Variants in PLPP4 observed in about 807,000 individuals in gnomAD.
PLPP4 encodes the protein diacylglycerol pyrophosphate like 2.
PLPP4 carries 20 observed loss-of-function variants against 32.2 expected under a neutral mutation model. That is an observed-to-expected ratio of 0.62 (90% CI 0.44 to 0.90). The LOEUF (loss-of-function observed/expected upper bound fraction) is 0.90. Ranked by LOEUF, PLPP4 falls within the 40% of genes least tolerant of loss-of-function variation. PLPP4 has a pLI of 0.00. For synonymous variants in PLPP4, 127 were observed against 133.0 expected (o/e 0.95, Z 0.31); for missense variants, 257 against 353.1 (o/e 0.73, Z 2.18).
intron 5 of PLPP4, among the ~76,000 whole-genome samples, chr10:120,554,627 C>A (rs1004026379): frequency 6.6e-6 from 1 of 151,318 alleles, no homozygotes; most frequent in African/African-American, 2.4e-5. Flanking sequence ...GAAAAGAGAT[C>A]TAATTAGCTC....
At chr10:120,462,582 G>A (rs888366113) in intron 1 of PLPP4, among the ~76,000 whole-genome samples, 3 of 152,168 alleles carry the variant, frequency 2.0e-5, no homozygotes, top group South Asian at 2.1e-4. Context: ...AGCATGGTCG[G>A]TGCCTCCTGA....
intron 5 of PLPP4, among the ~76,000 whole-genome samples, chr10:120,557,697 A>C (rs1238607809): frequency 6.6e-6 from 1 of 152,214 alleles, no homozygotes; most frequent in Non-Finnish European, 1.5e-5. Context: ...TGCAGTCGGC[A>C]TGCATAGCCC....
intron 1 of PLPP4, among the ~76,000 whole-genome samples, chr10:120,490,186 C>T (rs1334658735): frequency 6.6e-6 from 1 of 152,220 alleles, no homozygotes; most frequent in African/African-American, 2.4e-5. Flanking sequence ...TGGTCCTTGA[C>T]TCAGGTGATG....
At chr10:120,480,207 T>C (rs900011926) in intron 1 of PLPP4, among the ~76,000 whole-genome samples, 2 of 152,218 alleles carry the variant, frequency 1.3e-5, no homozygotes, top group Non-Finnish European at 2.9e-5. Context: ...CATGAGGTTT[T>C]ACCATTCTTG....
At chr10:120,549,935 G>T (rs547438510) in intron 5 of PLPP4, among the ~76,000 whole-genome samples, 7 of 152,082 alleles carry the variant, frequency 4.6e-5, no homozygotes. Context: ...ACATCATAAA[G>T]AGATGTCTAT....
intron 5 of PLPP4, among the ~76,000 whole-genome samples, chr10:120,555,267 T>A (rs1311984810): frequency 6.6e-6 from 1 of 152,200 alleles, no homozygotes. Context: ...AAAGATCGTG[T>A]TTGTCCTATG....
chr10:120,574,183 C>CT (rs1849096827), intron 5 of PLPP4, among the ~76,000 whole-genome samples: 3 of 99,682 alleles, frequency 3.0e-5, no homozygotes, highest in Admixed American at 1.1e-4. Flanking sequence ...CTCTCTCTCT[C>CT]TCTCTCTCTC....
At chr10:120,507,389 ATCATCATCATCAT>A (rs1279373519) in intron 2 of PLPP4, among the ~76,000 whole-genome samples, 15 of 152,050 alleles carry the variant, frequency 9.9e-5, no homozygotes, top group African/African-American at 2.4e-4. Context: ...CATCATCATT[ATCATCATCATCAT>A]CAACAACAGT....
At chr10:120,560,937 A>G (rs1848405063) in intron 5 of PLPP4, among the ~76,000 whole-genome samples, 1 of 152,110 alleles carries the variant, frequency 6.6e-6, no homozygotes, top group African/African-American at 2.4e-5. Context: ...CAGATTTTCA[A>G]TTGCATGGGG....
At chr10:120,507,633 G>A (rs1235730728) in intron 2 of PLPP4, among the ~76,000 whole-genome samples, 1 of 152,174 alleles carries the variant, frequency 6.6e-6, no homozygotes, top group Admixed American at 6.5e-5. Flanking sequence ...GAGGCACTCC[G>A]CTGTGATGCT....
At position 120,591,095 on chromosome 10, in the gene PLPP4, A is replaced by G. The variant is rs114300478; in HGVS notation, c.*1593A>G. 9.9e-3 allele frequency among the ~76,000 whole-genome samples: 1,505 copies of G among 152,246 alleles called. 29 individuals carry two copies. The highest frequency in any genetic ancestry group is 0.035 in the African/African-American group (1,445 of 41,540). ...AGAGTGTTGCTTTTGGGCAGTTAGC[A>G]TAACAGACTGCATTTTGAGAGACTC... is the stretch of plus-strand genomic sequence containing the variant. On this transcript the variant is annotated 3_prime_UTR_variant, in exon 7 of 7. Coordinates refer to ENST00000398250, the MANE Select transcript of PLPP4 (RefSeq NM_001030059.3).
rs202049887 is a variant in PLPP4 at position 120,575,141 on chromosome 10, G to A, written c.456G>A (p.Ser152=). The change falls in exon 6 of 7, where the codon TCG becomes TCA. Residue 152 remains serine, a synonymous_variant. Transcript: ENST00000398250. ...FPSIHSSFAF[S]GLGFTTFYLA... The stretch of plus-strand genomic sequence containing the variant: ...GTTTCTGTTTGGCAGTTGCCTTTTC[G>A]GGCCTTGGCTTCACGACGTTCTACT... 4.6e-5 allele frequency: 74 copies of A among 1,612,748 alleles called. No homozygotes were observed. Among genetic ancestry groups the A allele is most frequent in the Non-Finnish European group, 5.6e-5 (66 of 1,179,408 alleles).
intron 5 of PLPP4, among the ~76,000 whole-genome samples, chr10:120,523,515 G>T (rs1233137373): frequency 6.6e-6 from 1 of 152,064 alleles, no homozygotes; most frequent in Non-Finnish European, 1.5e-5. Flanking sequence ...TTTCCAGGGA[G>T]TCCCATGCTG....
At chr10:120,504,984 C>T (rs991766706) in intron 2 of PLPP4, among the ~76,000 whole-genome samples, 11 of 152,234 alleles carry the variant, frequency 7.2e-5, no homozygotes, top group Non-Finnish European at 1.3e-4. Context: ...CCTCTCCCAC[C>T]CTCAATGCCA....
chr10:120,520,044 A>T (rs1366229978), intron 4 of PLPP4, among the ~76,000 whole-genome samples: 1 of 152,240 alleles, frequency 6.6e-6, no homozygotes, highest in Admixed American at 6.5e-5. Context: ...AAATACAGAC[A>T]GCTCCAGGCT....
chr10:120,564,843 T>C (rs990156754), intron 5 of PLPP4, among the ~76,000 whole-genome samples: 1 of 152,142 alleles, frequency 6.6e-6, no homozygotes, highest in Non-Finnish European at 1.5e-5. Context: ...ATTTTATGTA[T>C]GTATTTAAAA....
At chr10:120,546,550 G>A (rs1010094197) in intron 5 of PLPP4, among the ~76,000 whole-genome samples, 3 of 152,272 alleles carry the variant, frequency 2.0e-5, no homozygotes, top group East Asian at 3.9e-4. Context: ...TTTGAGAAGA[G>A]CACATTCTCT....
At position 120,583,642 on chromosome 10, in the gene PLPP4, A is replaced by G. The variant is rs182867652; in HGVS notation, c.617-5661A>G. 2.0e-4 allele frequency among the ~76,000 whole-genome samples: 31 copies of G among 152,256 alleles called. No homozygotes were observed. The East Asian group carries it at 4.4e-3, about 22-fold the overall frequency. ...TCTGGCAACCACTGATCTACTTTTT[A>G]TCTCTATGGGTTTGCCTATTCTGCA... is the stretch of plus-strand genomic sequence containing the variant. On this transcript the variant is annotated intron_variant, in intron 6 of 6. Transcript: ENST00000398250.
intron 5 of PLPP4, among the ~76,000 whole-genome samples, chr10:120,556,106 T>C (rs1848152566): frequency 6.6e-6 from 1 of 152,232 alleles, no homozygotes; most frequent in South Asian, 2.1e-4. Context: ...GGTCTTTACC[T>C]TCTGGAATTC....
Sources: gnomAD v4.1 joint callset for allele counts (sites outside exome capture counted in the v4.1 genomes callset) on GRCh38, gnomAD v4.1.1 for gene constraint, MANE v1.5 for transcripts, NCBI Gene and HGNC (gene_info 2026-07-23, HGNC 2026-07-21) for gene names.